DHRSX: variants seen among roughly 807,000 people sequenced by gnomAD.
DHRSX encodes dehydrogenase/reductase X-linked.
A neutral mutation model predicts 34.0 loss-of-function variants in DHRSX; 31 were observed. The ratio of observed to expected loss-of-function variants is 0.91; its 90% confidence interval spans 0.69 to 1.23. DHRSX has a LOEUF of 1.23. DHRSX is among the 50% of genes most tolerant of loss of function. The pLI is 0.00. For missense variants in DHRSX, 414 were observed against 428.1 expected, an observed-to-expected ratio of 0.97 and a Z score of 0.29; for synonymous variants, 201 against 183.8, an observed-to-expected ratio of 1.09 and a Z score of -0.76.
At chrX:2,334,824 T>C (rs2042532321) in intron 3 of DHRSX, 1 of 152,178 alleles carries the variant, frequency 6.6e-6, no homozygotes, top group African/African-American at 2.4e-5. Flanking sequence ...TATAATTGTA[T>C]ATATTTGCAG....
At chrX:2,283,031 G>C (rs2041748952) in intron 4 of DHRSX, among the ~76,000 whole-genome samples, 1 of 151,684 alleles carries the variant, frequency 6.6e-6, no homozygotes, top group South Asian at 2.1e-4. Flanking sequence ...GAGAGACGGG[G>C]AGAAGGAGGA....
intron 3 of DHRSX, among the ~76,000 whole-genome samples, chrX:2,381,019 C>A (rs566246567): frequency 1.3e-5 from 2 of 152,100 alleles, no homozygotes; most frequent in Non-Finnish European, 2.9e-5. Context: ...GTGTGCACCA[C>A]CACACCCGGC....
chrX:2,491,886 G>A (rs2045157241), intron 1 of DHRSX, among the ~76,000 whole-genome samples: 1 of 152,200 alleles, frequency 6.6e-6, no homozygotes, highest in African/African-American at 2.4e-5. Context: ...TCCTGTTGAG[G>A]TTGAATGCTC....
intron 3 of DHRSX, among the ~76,000 whole-genome samples, chrX:2,346,256 G>A (rs768835323): frequency 3.4e-4 from 2 of 5,876 alleles, no homozygotes; most frequent in Non-Finnish European, 1.6e-3. Context: ...TGACATGCCC[G>A]AGTTGTTATG....
intron 3 of DHRSX, among the ~76,000 whole-genome samples, chrX:2,333,915 AAAT>A (rs1173105075): frequency 1.8e-4 from 28 of 152,246 alleles, no homozygotes; most frequent in South Asian, 6.2e-4. Context: ...TTCCTGCAAA[AAAT>A]AATAAGATCT....
At chrX:2,456,925 G>A (rs2044306724) in intron 1 of DHRSX, among the ~76,000 whole-genome samples, 1 of 152,074 alleles carries the variant, frequency 6.6e-6, no homozygotes, top group African/African-American at 2.4e-5. Context: ...CAAGGGTGTA[G>A]GGAAAGAAGG....
At chrX:2,386,909 A>C (rs192041206) in intron 3 of DHRSX, among the ~76,000 whole-genome samples, 1 of 133,402 alleles carries the variant, frequency 7.5e-6, no homozygotes, top group African/African-American at 2.8e-5. Flanking sequence ...CTTCTCTGCT[A>C]CTTTCCTTTT....
At chrX:2,474,309 T>G (rs1312945585) in intron 1 of DHRSX, among the ~76,000 whole-genome samples, 2 of 151,944 alleles carry the variant, frequency 1.3e-5, no homozygotes, top group East Asian at 3.9e-4. Flanking sequence ...TCCCTAAGCA[T>G]GTGATTAAGG....
At chrX:2,415,045 C>T (rs1292842710) in intron 2 of DHRSX, among the ~76,000 whole-genome samples, 8 of 151,818 alleles carry the variant, frequency 5.3e-5, no homozygotes, top group Admixed American at 5.3e-4. Context: ...TCGTGACCAA[C>T]CAAACAGATC....
chrX:2,326,809 CTT>C (rs776129131), intron 3 of DHRSX, among the ~76,000 whole-genome samples: 216 of 144,576 alleles, frequency 1.5e-3, no homozygotes, highest in Middle Eastern at 3.5e-3. Context: ...TTCAGTTTTT[CTT>C]TTTTTTTTTT....
intron 3 of DHRSX, among the ~76,000 whole-genome samples, chrX:2,307,540 G>C (rs111765659): frequency 0.34 from 51,982 of 151,710 alleles, 10,431 homozygotes; most frequent in Middle Eastern, 0.48. Flanking sequence ...GAGGCGGGTG[G>C]ATCACGAGGG....
At chrX:2,448,975 G>A (rs1215387842) in intron 1 of DHRSX, among the ~76,000 whole-genome samples, 2 of 152,164 alleles carry the variant, frequency 1.3e-5, no homozygotes, top group African/African-American at 2.4e-5. Flanking sequence ...GATCACCTGA[G>A]GTCAGGAGTT....
chrX:2,265,049 A>G (rs1349250840), intron 5 of DHRSX, among the ~76,000 whole-genome samples: 278 of 98,888 alleles, frequency 2.8e-3, no homozygotes, highest in Middle Eastern at 9.1e-3. Context: ...TCCAGCAGAC[A>G]CAGGGAGCAC....
At chrX:2,378,119 T>A (rs1325715596) in intron 3 of DHRSX, among the ~76,000 whole-genome samples, 9 of 152,358 alleles carry the variant, frequency 5.9e-5, no homozygotes, top group Middle Eastern at 3.4e-3. Flanking sequence ...TTTGCAAATA[T>A]ACTTAGTGAC....
chrX:2,325,492 G>A (rs1226275876), intron 3 of DHRSX, among the ~76,000 whole-genome samples: 2 of 152,170 alleles, frequency 1.3e-5, no homozygotes, highest in Non-Finnish European at 2.9e-5. Flanking sequence ...CTCTTTGTCA[G>A]CCACATGTAA....
At chrX:2,396,089 G>A (rs1453094447) in intron 3 of DHRSX, among the ~76,000 whole-genome samples, 1 of 152,012 alleles carries the variant, frequency 6.6e-6, no homozygotes, top group East Asian at 1.9e-4. Flanking sequence ...AGGAGTCCCT[G>A]GGTTTGTGGC....
At chrX:2,398,301 G>A (rs1336029101) in intron 3 of DHRSX, among the ~76,000 whole-genome samples, 5 of 152,150 alleles carry the variant, frequency 3.3e-5, no homozygotes, top group Non-Finnish European at 5.9e-5. Context: ...GGAAACACTC[G>A]TCAGAGCACC....
intron 3 of DHRSX, among the ~76,000 whole-genome samples, chrX:2,377,885 C>T (rs1385904837): frequency 2.6e-5 from 4 of 152,000 alleles, no homozygotes; most frequent in Admixed American, 6.6e-5. Flanking sequence ...ACTACAGGTG[C>T]GTGCCACCAC....
intron 1 of DHRSX, among the ~76,000 whole-genome samples, chrX:2,443,863 G>A (rs1333062673): frequency 2.0e-5 from 3 of 152,064 alleles, no homozygotes; most frequent in Admixed American, 6.6e-5. Context: ...AAAATTAGCC[G>A]GGTGTGGTGG....
Sources: allele counts gnomAD v4.1 joint callset (sites outside exome capture counted in the v4.1 genomes callset), GRCh38; gene constraint gnomAD v4.1.1; transcripts MANE v1.5; gene names NCBI Gene and HGNC (gene_info 2026-07-23, HGNC 2026-07-21).